The following ENTREP3 variants were observed in gnomAD, a reference collection of about 807,000 sequenced individuals.
ENTREP3 encodes the protein endosomal transmembrane epsin interactor 3, also known as protein ENTREP3.
chr1:155,255,011 G>A, the ENTREP3 span: 1 of 700,668 alleles, frequency 1.4e-6, no homozygotes, highest in Non-Finnish European at 2.4e-6. The surrounding 1 kb of genome is among the most constrained non-coding windows in gnomAD (Gnocchi z 5.6). Context: ...TGGGTCCCCT[G>A]GGGCATGGCC....
At chr1:155,254,000 A>C in the ENTREP3 span, 1 of 1,612,442 alleles carries the variant, frequency 6.2e-7, no homozygotes. Flanking sequence ...AGGGAGGGTG[A>C]GGCAGCCTGA....
chr1:155,255,254 G>A, the ENTREP3 span: 4 of 329,614 alleles, frequency 1.2e-5, no homozygotes, highest in East Asian at 1.9e-4. The surrounding 1 kb of genome is among the most constrained non-coding windows in gnomAD (Gnocchi z 5.6). Context: ...GGGTAAAAGC[G>A]GGAAGGATGG....
the ENTREP3 span, chr1:155,251,303 C>T: frequency 6.4e-6 from 5 of 781,180 alleles, no homozygotes; most frequent in Non-Finnish European, 1.0e-5. Context: ...TCAGCTTCCA[C>T]GTCTGTATGG....
the ENTREP3 span, among the ~76,000 whole-genome samples, chr1:155,249,871 G>A: frequency 7.1e-6 from 1 of 141,472 alleles, no homozygotes; most frequent in Non-Finnish European, 1.5e-5. Flanking sequence ...GGGTGACAGA[G>A]CGAGACACCG....
the ENTREP3 span, chr1:155,255,236 G>T: frequency 5.3e-6 from 2 of 379,862 alleles, no homozygotes; most frequent in Admixed American, 7.8e-5. This position sits in a 1 kb window ranked among gnomAD's most constrained non-coding sequence, Gnocchi z 5.6. Context: ...CCCAGGGAGG[G>T]GTGGGGAGGG....
chr1:155,250,808 G>A, the ENTREP3 span: 45 of 1,604,348 alleles, frequency 2.8e-5, no homozygotes, highest in Non-Finnish European at 3.8e-5. The surrounding 1 kb of genome is among the most constrained non-coding windows in gnomAD (Gnocchi z 5.4). Context: ...CCAGAGACCC[G>A]CTGTCCATGG....
chr1:155,250,861 C>G, the ENTREP3 span: 2 of 1,547,682 alleles, frequency 1.3e-6, no homozygotes, highest in Admixed American at 1.9e-5. The surrounding 1 kb of genome is among the most constrained non-coding windows in gnomAD (Gnocchi z 5.4). Flanking sequence ...CCAGCCTGGC[C>G]TGGCCTAGCC....
At chr1:155,250,702 C>T in the ENTREP3 span, 4 of 1,612,844 alleles carry the variant, frequency 2.5e-6, no homozygotes, top group Admixed American at 3.3e-5. The surrounding 1 kb of genome is among the most constrained non-coding windows in gnomAD (Gnocchi z 5.4). Context: ...CGAAAGAGAA[C>T]GTAGTCCACG....
the ENTREP3 span, chr1:155,247,574 C>T: frequency 8.4e-6 from 6 of 717,702 alleles, no homozygotes; most frequent in South Asian, 3.0e-5. Context: ...GTCTAAATAC[C>T]CATGCAGCAC....
chr1:155,254,713 G>C, the ENTREP3 span: 1 of 1,609,134 alleles, frequency 6.2e-7, no homozygotes, highest in Non-Finnish European at 8.5e-7. This position sits in a 1 kb window ranked among gnomAD's most constrained non-coding sequence, Gnocchi z 4.4. Context: ...TGACGGAAGA[G>C]GCCACCATGC....
At chr1:155,248,858 G>A in the ENTREP3 span, among the ~76,000 whole-genome samples, 5 of 151,588 alleles carry the variant, frequency 3.3e-5, no homozygotes, top group South Asian at 1.0e-3. Context: ...GGGATTACAG[G>A]CGTCCACCAC....
At chr1:155,252,210 CT>C in the ENTREP3 span, 88,656 of 262,916 alleles carry the variant, frequency 0.34, 15,988 homozygotes, top group East Asian at 0.64. Context: ...CTAGGACCTT[CT>C]TTTTTTTTTT....
the ENTREP3 span, chr1:155,248,195 A>T: frequency 6.2e-7 from 1 of 1,609,918 alleles, no homozygotes; most frequent in Non-Finnish European, 8.5e-7. Flanking sequence ...GGGCAGGGGA[A>T]CTTTTTGGAA....
the ENTREP3 span, chr1:155,253,843 C>T: frequency 6.2e-7 from 1 of 1,612,174 alleles, no homozygotes; most frequent in Non-Finnish European, 8.5e-7. Context: ...AGGATGTTTG[C>T]AGGGTGCAAG....
chr1:155,251,584 G>A, the ENTREP3 span: 1 of 1,614,022 alleles, frequency 6.2e-7, no homozygotes, highest in African/African-American at 1.3e-5. Flanking sequence ...GCTGTCCATG[G>A]AGCCATTGTA....
the ENTREP3 span, chr1:155,251,726 G>T: frequency 6.2e-7 from 1 of 1,612,562 alleles, no homozygotes; most frequent in Non-Finnish European, 8.5e-7. Context: ...ACCCCACCAG[G>T]CCTTACCTCT....
the ENTREP3 span, chr1:155,248,005 C>T: frequency 1.2e-6 from 2 of 1,613,394 alleles, no homozygotes; most frequent in African/African-American, 1.3e-5. Context: ...CAATCTGAAG[C>T]TCCACGCTTT....
the ENTREP3 span, chr1:155,253,664 G>C: frequency 6.2e-7 from 1 of 1,614,074 alleles, no homozygotes; most frequent in Non-Finnish European, 8.5e-7. Flanking sequence ...GGATGCAGCA[G>C]ACAATAGCAG....
chr1:155,254,210 T>A, the ENTREP3 span: 1 of 1,599,598 alleles, frequency 6.3e-7, no homozygotes, highest in Non-Finnish European at 8.6e-7. The surrounding 1 kb of genome is among the most constrained non-coding windows in gnomAD (Gnocchi z 4.4). Flanking sequence ...GAAAACAGGG[T>A]GCAGACTCAG....
Sources: allele counts gnomAD v4.1 joint callset (sites outside exome capture counted in the v4.1 genomes callset), GRCh38; gene constraint gnomAD v4.1.1; non-coding constraint Gnocchi (gnomAD v3.1); transcripts MANE v1.5; gene names NCBI Gene and HGNC (gene_info 2026-07-23, HGNC 2026-07-21).